RORA: variants seen among roughly 807,000 people sequenced by gnomAD.
RORA encodes the protein nuclear receptor ROR-alpha.
In RORA, 7 loss-of-function variants were observed where a neutral mutation model predicts 69.5. The observed-to-expected ratio is 0.10, with a 90% CI of 0.06 to 0.19. The LOEUF (loss-of-function observed/expected upper bound fraction) is 0.19, where lower values mean the gene tolerates loss of function less well. Ranked by LOEUF, RORA falls within the 10% of genes least tolerant of loss-of-function variation. RORA has a pLI of 1.00. For missense variants in RORA, 457 were observed against 663.0 expected (o/e 0.69, Z 3.41); for synonymous variants, 261 against 240.8 (o/e 1.08, Z -0.78).
At chr15:60,715,158 C>T (rs1189391789) in intron 1 of RORA, among the ~76,000 whole-genome samples, 1 of 152,160 alleles carries the variant, frequency 6.6e-6, no homozygotes, top group Non-Finnish European at 1.5e-5. Flanking sequence ...TATTCTCAAG[C>T]AGCCTGTGAT....
chr15:60,829,453 A>G (rs1333415475), intron 1 of RORA, among the ~76,000 whole-genome samples: 1 of 152,108 alleles, frequency 6.6e-6, no homozygotes, highest in Non-Finnish European at 1.5e-5. Flanking sequence ...GATTCTGCCA[A>G]AAAATAGTTG....
intron 1 of RORA, among the ~76,000 whole-genome samples, chr15:61,153,022 G>C (rs74018506): frequency 3.9e-5 from 6 of 152,074 alleles, no homozygotes; most frequent in Non-Finnish European, 5.9e-5. Flanking sequence ...CCTTTGAAGG[G>C]TGGGTAGGTG....
chr15:60,621,729 C>T (rs1469197566), intron 2 of RORA, among the ~76,000 whole-genome samples: 1 of 151,930 alleles, frequency 6.6e-6, no homozygotes, highest in Non-Finnish European at 1.5e-5. Flanking sequence ...AGACTATGTT[C>T]CTAGGAAATC....
chr15:60,839,538 T>C (rs2073168363), intron 1 of RORA, among the ~76,000 whole-genome samples: 1 of 152,238 alleles, frequency 6.6e-6, no homozygotes. Context: ...AGCTCAAACT[T>C]GAATGCAAGT....
At chr15:60,515,439 C>A (rs536048283) in intron 3 of RORA, among the ~76,000 whole-genome samples, 1 of 152,046 alleles carries the variant, frequency 6.6e-6, no homozygotes, top group African/African-American at 2.4e-5. Context: ...AAGTTCCTCT[C>A]GTGTCAAGTG....
intron 1 of RORA, among the ~76,000 whole-genome samples, chr15:61,185,606 C>G (rs541118637): frequency 2.9e-4 from 44 of 152,322 alleles, no homozygotes; most frequent in African/African-American, 1.1e-3. Context: ...TGAATTTTCT[C>G]TCTTTTGGCT....
intron 1 of RORA, among the ~76,000 whole-genome samples, chr15:61,052,458 C>T (rs578045944): frequency 9.9e-5 from 15 of 152,282 alleles, no homozygotes; most frequent in South Asian, 2.1e-4. Flanking sequence ...GTTCTAGTAT[C>T]GTACGATGCT....
At chr15:60,536,790 C>T (rs372091995) in intron 2 of RORA, among the ~76,000 whole-genome samples, 1 of 152,220 alleles carries the variant, frequency 6.6e-6, no homozygotes, top group Non-Finnish European at 1.5e-5. Flanking sequence ...TGAATGTCAA[C>T]CAATTTTGTG....
At chr15:60,601,694 G>A (rs956601628) in intron 2 of RORA, among the ~76,000 whole-genome samples, 1 of 152,122 alleles carries the variant, frequency 6.6e-6, no homozygotes, top group Non-Finnish European at 1.5e-5. Flanking sequence ...ATATAATATA[G>A]CAGTTTGTTC....
chr15:61,032,319 C>T (rs952457247), intron 1 of RORA, among the ~76,000 whole-genome samples: 1 of 152,188 alleles, frequency 6.6e-6, no homozygotes, highest in African/African-American at 2.4e-5. Context: ...AATGGTATAT[C>T]TCCCCCAATA....
At chr15:60,501,179 G>A (rs1387451676) in intron 8 of RORA, 110 bp from the exon 9 acceptor site, 1 of 631,676 alleles carries the variant, frequency 1.6e-6, no homozygotes, top group Non-Finnish European at 2.9e-6. Flanking sequence ...AAGGTCTTAG[G>A]AGAAAAACAT....
intron 1 of RORA, among the ~76,000 whole-genome samples, chr15:60,804,924 T>C (rs1243260493): frequency 6.6e-6 from 1 of 152,230 alleles, no homozygotes; most frequent in Non-Finnish European, 1.5e-5. Flanking sequence ...ATTGTTCTTT[T>C]GTAATGCAGT....
At chr15:61,053,862 T>TATATATATATATATATATAA (rs950408568) in intron 1 of RORA, among the ~76,000 whole-genome samples, 1 of 140,888 alleles carries the variant, frequency 7.1e-6, no homozygotes, top group African/African-American at 2.6e-5. Flanking sequence ...TATATATATA[T>TATATATATATATATATATAA]AAACATTCTT....
chr15:60,511,432 TCAATG>T lies in RORA; in HGVS notation c.609_613del (p.Tyr203Ter). 1 of 1,614,152 alleles carries T rather than the reference TCAATG, an allele frequency of 6.2e-7. No individual in the cohort carries two copies. ...CTTACTCCCCTCAGGGGTGTGCCCG[TCAATG>T]TAGTTACTGAGGTCGTCGTGAAGTT... is the stretch of plus-strand genomic sequence containing the variant. On this transcript the variant is annotated stop_gained and frameshift_variant, in exon 5 of 11. Coordinates refer to ENST00000335670, the MANE Select transcript of RORA (RefSeq NM_134261.3). LOFTEE classifies it high-confidence loss of function. This position sits in a 1 kb window ranked among gnomAD's most constrained non-coding sequence, Gnocchi z 6.4.
At chr15:60,734,790 A>G (rs560757505) in intron 1 of RORA, among the ~76,000 whole-genome samples, 3 of 152,338 alleles carry the variant, frequency 2.0e-5, no homozygotes, top group South Asian at 2.1e-4. Flanking sequence ...AATCATGTAG[A>G]GACTTTGAAG....
intron 1 of RORA, among the ~76,000 whole-genome samples, chr15:61,185,024 A>AT (rs2079727367): frequency 1.6e-5 from 2 of 128,676 alleles, no homozygotes; most frequent in Admixed American, 8.8e-5. Context: ...GAAGAAGAAG[A>AT]AGGACTGTTA....
chr15:60,559,181 A>G (rs1173169809), intron 2 of RORA, among the ~76,000 whole-genome samples: 3 of 152,160 alleles, frequency 2.0e-5, no homozygotes, highest in Non-Finnish European at 4.4e-5. Context: ...ACTTATGAAA[A>G]AAGTATAAAA....
At position 60,607,395 on chromosome 15, in the gene RORA, C is replaced by A. The variant is rs544797888; in HGVS notation, c.196+71262G>T. ...TTTAGTTTAGGCACTTATAGAAATACGCTGCAGAAAATTAATTTTTTATGA... is the reference window on the plus strand; with the variant it reads ...TTTAGTTTAGGCACTTATAGAAATAAGCTGCAGAAAATTAATTTTTTATGA... On this transcript the variant is annotated intron_variant, in intron 2 of 10. Coordinates refer to ENST00000335670, the MANE Select transcript of RORA (RefSeq NM_134261.3). 5.3e-5 allele frequency among the ~76,000 whole-genome samples: 8 copies of A among 152,314 alleles called. No homozygotes were observed. In the East Asian group the frequency reaches 1.5e-3, roughly 29 times the overall value.
intron 1 of RORA, 102 bp downstream of exon 1, chr15:61,228,951 G>A: frequency 2.7e-6 from 1 of 368,048 alleles, no homozygotes; most frequent in Non-Finnish European, 3.7e-6. Context: ...AGGCTCGCGC[G>A]CGGCCGCCGG....
Sources: allele counts gnomAD v4.1 joint callset (sites outside exome capture counted in the v4.1 genomes callset), GRCh38; gene constraint gnomAD v4.1.1; non-coding constraint Gnocchi (gnomAD v3.1); transcripts MANE v1.5; gene names NCBI Gene and HGNC (gene_info 2026-07-23, HGNC 2026-07-21).